The following GDAP1 variants were observed in gnomAD, a reference collection of about 807,000 sequenced individuals.
GDAP1 encodes the protein ganglioside-induced differentiation-associated protein 1.
A neutral mutation model predicts 40.1 loss-of-function variants in GDAP1; 34 were observed. The ratio of observed to expected loss-of-function variants is 0.85; its 90% confidence interval spans 0.64 to 1.13. GDAP1 has a LOEUF of 1.13. Ranked by LOEUF, GDAP1 falls within the 50% of genes most tolerant of loss-of-function variation. The pLI, the probability that GDAP1 is intolerant of heterozygous loss-of-function variation, is 0.00. For synonymous variants in GDAP1, 170 were observed against 157.4 expected (o/e 1.08, Z -0.60); for missense variants, 374 against 433.7 (o/e 0.86, Z 1.22).
At chr8:74,470,576 C>T (rs959506780) in intron 2 of GDAP1, among the ~76,000 whole-genome samples, 1 of 152,194 alleles carries the variant, frequency 6.6e-6, no homozygotes, top group African/African-American at 2.4e-5. Context: ...CTACAAAGGA[C>T]ATGAACTCAT....
chr8:74,435,151 A>C (rs573324445), intron 2 of GDAP1, among the ~76,000 whole-genome samples: 1 of 152,356 alleles, frequency 6.6e-6, no homozygotes, highest in South Asian at 2.1e-4. Context: ...CTTCTTAGAA[A>C]TCTTCTCTTT....
intron 2 of GDAP1, among the ~76,000 whole-genome samples, chr8:74,353,999 T>C (rs1421591531): frequency 1.9e-4 from 29 of 152,202 alleles, no homozygotes; most frequent in Non-Finnish European, 2.4e-4. Context: ...GTTCTAGATA[T>C]AGTATATCTT....
At chr8:74,361,062 C>T (rs1194090224) in intron 3 of GDAP1, among the ~76,000 whole-genome samples, 2 of 152,018 alleles carry the variant, frequency 1.3e-5, no homozygotes, top group African/African-American at 2.4e-5. Context: ...CCTCTCCCTT[C>T]CCTTTTCATC....
rs982078518 is a variant in GDAP1, at chr8:74,412,553, TCAA to T, written c.165+61236_165+61238del. Among the ~76,000 whole-genome samples, 29 of 150,136 alleles carry T rather than the reference TCAA, an allele frequency of 1.9e-4. 4 individuals are homozygous for T. The highest frequency in any genetic ancestry group is 7.3e-4 in the African/African-American group (29 of 39,508). ...TACAGTTAAACTGCCAGCAGATTTG[TCAA>T]CAAAAAGAAATAGAAGTTAGTAGAA... On this transcript the variant is annotated intron_variant, in intron 2 of 2. Transcript: ENST00000523640.
chr8:74,361,823 C>T (rs1809377879), intron 3 of GDAP1, 61 bp from the exon 4 acceptor site: 2 of 935,608 alleles, frequency 2.1e-6, no homozygotes, highest in Non-Finnish European at 3.6e-6. Context: ...TCTGCTTCTC[C>T]TTGTTACTGG....
intron 2 of GDAP1, among the ~76,000 whole-genome samples, chr8:74,402,985 G>A (rs1192613823): frequency 6.7e-6 from 1 of 150,044 alleles, no homozygotes; most frequent in Non-Finnish European, 1.5e-5. Flanking sequence ...TGAGAAAAAA[G>A]TTAATGGATA....
chr8:74,484,879 G>A (rs1022636731), intron 2 of GDAP1, among the ~76,000 whole-genome samples: 3 of 152,046 alleles, frequency 2.0e-5, no homozygotes, highest in African/African-American at 7.2e-5. Flanking sequence ...TCTGGTCTAT[G>A]TTCTCTCATT....
intron 2 of GDAP1, among the ~76,000 whole-genome samples, chr8:74,374,120 G>T (rs747448726): frequency 2.5e-4 from 38 of 152,278 alleles, no homozygotes; most frequent in Non-Finnish European, 4.1e-4. Context: ...CTTGATCATG[G>T]TGGATAAGCT....
chr8:74,386,542 A>G (rs936142012), intron 2 of GDAP1, among the ~76,000 whole-genome samples: 19 of 152,088 alleles, frequency 1.2e-4, no homozygotes, highest in Admixed American at 3.3e-4. Context: ...CCATTGCTCT[A>G]TATCTCTGTT....
downstream of GDAP1, among the ~76,000 whole-genome samples, chr8:74,370,651 T>C (rs1428811568): frequency 6.6e-6 from 1 of 152,238 alleles, no homozygotes; most frequent in East Asian, 1.9e-4. Context: ...AATAATTGCA[T>C]GATATGTAAA....
intron 2 of GDAP1, among the ~76,000 whole-genome samples, chr8:74,424,834 C>T (rs1187229042): frequency 6.6e-6 from 1 of 152,134 alleles, no homozygotes; most frequent in Non-Finnish European, 1.5e-5. Context: ...TATTGATCAA[C>T]ATCTATTTCA....
At chr8:74,482,121 G>C (rs761760212) in intron 2 of GDAP1, among the ~76,000 whole-genome samples, 27 of 31,302 alleles carry the variant, frequency 8.6e-4, no homozygotes, top group Admixed American at 6.7e-3. Flanking sequence ...TTTTTTTTTG[G>C]GGGGGGGGGG....
intron 2 of GDAP1, among the ~76,000 whole-genome samples, chr8:74,436,878 A>G (rs1000229434): frequency 9.9e-5 from 15 of 152,144 alleles, no homozygotes; most frequent in African/African-American, 3.1e-4. Flanking sequence ...GGACTCAAAA[A>G]TTTTTCAAAA....
At chr8:74,392,322 A>G (rs983112366) in intron 2 of GDAP1, among the ~76,000 whole-genome samples, 1 of 152,222 alleles carries the variant, frequency 6.6e-6, no homozygotes, top group African/African-American at 2.4e-5. Flanking sequence ...CATCAAACAC[A>G]TCTTAGTTTG....
At chr8:74,439,229 A>ATG (rs1268319592) in intron 2 of GDAP1, among the ~76,000 whole-genome samples, 21 of 152,198 alleles carry the variant, frequency 1.4e-4, no homozygotes, top group East Asian at 1.4e-3. Context: ...TGTTATATAT[A>ATG]TATGTGTGTG....
rs752005781 is a variant in GDAP1, at chr8:74,366,720, G to A, written c.*2353G>A. 78 of 452,652 alleles carry A rather than the reference G, an allele frequency of 1.7e-4. No homozygotes were observed. Among genetic ancestry groups the A allele is most frequent in the Admixed American group, 9.2e-4 (39 of 42,370 alleles). The allele number at this position is 452,652 out of a possible 1,614,324, so 28.0% of individuals were successfully genotyped here. A position where few individuals can be genotyped will look rare whatever the true frequency, so the allele number is the denominator to read the frequency against. Reference sequence around the variant, plus strand: ...TTTTGAATCCATTTTCCATAATTGCGGATAGTCATAAATTGCTTGCTCAAT... The same window carrying A: ...TTTTGAATCCATTTTCCATAATTGCAGATAGTCATAAATTGCTTGCTCAAT... On this transcript the variant is annotated 3_prime_UTR_variant, in exon 6 of 6. Coordinates refer to ENST00000220822, the MANE Select transcript of GDAP1 (RefSeq NM_018972.4).
intron 2 of GDAP1, among the ~76,000 whole-genome samples, chr8:74,384,536 C>T (rs370167437): frequency 1.3e-5 from 2 of 152,028 alleles, no homozygotes; most frequent in African/African-American, 4.8e-5. Flanking sequence ...TCTAATTGCT[C>T]GAAATTCTAT....
intron 2 of GDAP1, among the ~76,000 whole-genome samples, chr8:74,442,650 G>A (rs1238722592): frequency 2.0e-5 from 3 of 152,160 alleles, no homozygotes; most frequent in African/African-American, 2.4e-5. Flanking sequence ...TTGAAACAGT[G>A]TGTTCTCTAC....
intron 2 of GDAP1, among the ~76,000 whole-genome samples, chr8:74,374,838 G>C (rs1014783319): frequency 1.3e-5 from 2 of 152,068 alleles, no homozygotes; most frequent in African/African-American, 4.8e-5. Context: ...TAAACAAATT[G>C]AATTTGTAAT....
Sources: allele counts gnomAD v4.1 joint callset (sites outside exome capture counted in the v4.1 genomes callset), GRCh38; gene constraint gnomAD v4.1.1; transcripts MANE v1.5; gene names NCBI Gene and HGNC (gene_info 2026-07-23, HGNC 2026-07-21).